ERC1: variants seen among roughly 807,000 people sequenced by gnomAD.
ERC1 encodes the protein RAB6 interacting protein 2.
Under a neutral mutation model 132.0 loss-of-function variants are expected in ERC1, and 56 were observed. That is an observed-to-expected ratio of 0.42 (90% CI 0.34 to 0.53). The LOEUF (loss-of-function observed/expected upper bound fraction) is 0.53, where lower values mean the gene tolerates loss of function less well. Among genes scored for constraint, ERC1 ranks in the 20% least tolerant of loss-of-function variants. ERC1 has a pLI of 0.03. For missense variants in ERC1, 1,202 were observed against 1,349.9 expected (o/e 0.89, Z 1.72); for synonymous variants, 478 against 476.1 (o/e 1.00, Z -0.05).
At chr12:1,409,333 C>T (rs373809044) in intron 17 of ERC1, among the ~76,000 whole-genome samples, 1 of 152,136 alleles carries the variant, frequency 6.6e-6, no homozygotes, top group African/African-American at 2.4e-5. Context: ...CTTCCTGATA[C>T]CTGGAACTGA....
At chr12:1,275,956 ATTCT>A (rs1818362660) in intron 14 of ERC1, among the ~76,000 whole-genome samples, 1 of 152,170 alleles carries the variant, frequency 6.6e-6, no homozygotes, top group South Asian at 2.1e-4. Context: ...ACTCTGGTAC[ATTCT>A]TTCTTTATAA....
intron 12 of ERC1, among the ~76,000 whole-genome samples, chr12:1,202,125 T>C (rs977488822): frequency 6.6e-6 from 1 of 152,192 alleles, no homozygotes; most frequent in Non-Finnish European, 1.5e-5. Flanking sequence ...TTCTTCTTCC[T>C]CCTTGATGAA....
At chr12:1,439,059 A>G (rs2093031388) in intron 17 of ERC1, among the ~76,000 whole-genome samples, 1 of 152,114 alleles carries the variant, frequency 6.6e-6, no homozygotes, top group African/African-American at 2.4e-5. Flanking sequence ...CTGTTCATCT[A>G]GGCTTTATGA....
At chr12:1,269,632 C>T (rs770433813) in intron 14 of ERC1, among the ~76,000 whole-genome samples, 3 of 152,008 alleles carry the variant, frequency 2.0e-5, no homozygotes, top group Non-Finnish European at 4.4e-5. Flanking sequence ...AGATTGAAAG[C>T]GGGAGGATCA....
chr12:1,363,357 A>G (rs2086321435), intron 15 of ERC1, among the ~76,000 whole-genome samples: 1 of 152,146 alleles, frequency 6.6e-6, no homozygotes, highest in Non-Finnish European at 1.5e-5. Context: ...AGGTGAAGGA[A>G]AAAACTGAAC....
At chr12:1,464,509 GC>G (rs1319263889) in intron 18 of ERC1, among the ~76,000 whole-genome samples, 9 of 120,086 alleles carry the variant, frequency 7.5e-5, no homozygotes, top group Admixed American at 5.7e-4. Context: ...GAATGCAAAA[GC>G]CTTTTTTTTT....
intron 16 of ERC1, among the ~76,000 whole-genome samples, chr12:1,403,818 G>A (rs993792920): frequency 6.6e-6 from 1 of 152,122 alleles, no homozygotes; most frequent in South Asian, 2.1e-4. Context: ...ATTGTCTCAT[G>A]TTCTAAGAAA....
At chr12:1,246,770 G>A (rs2076180733) in intron 13 of ERC1, among the ~76,000 whole-genome samples, 2 of 152,168 alleles carry the variant, frequency 1.3e-5, no homozygotes, top group South Asian at 4.1e-4. Context: ...TTCCAAAAAT[G>A]TGTAGCCTCA....
At chr12:1,210,147 C>T (rs776222696) in intron 12 of ERC1, among the ~76,000 whole-genome samples, 1 of 152,334 alleles carries the variant, frequency 6.6e-6, no homozygotes, top group African/African-American at 2.4e-5. Flanking sequence ...AACTTCAGAA[C>T]TATTGAGTTG....
chr12:1,229,129 C>G (rs1026570528), intron 12 of ERC1, among the ~76,000 whole-genome samples: 2 of 152,172 alleles, frequency 1.3e-5, no homozygotes. Context: ...AGCTATGAAG[C>G]CATCTGGTCC....
At chr12:1,250,987 G>A (rs540452130) in intron 13 of ERC1, among the ~76,000 whole-genome samples, 1 of 152,172 alleles carries the variant, frequency 6.6e-6, no homozygotes, top group Non-Finnish European at 1.5e-5. Flanking sequence ...AATAGAGCCG[G>A]GGAAAATCAG....
intron 15 of ERC1, among the ~76,000 whole-genome samples, chr12:1,334,566 G>A (rs1347456912): frequency 6.6e-6 from 1 of 152,070 alleles, no homozygotes; most frequent in Non-Finnish European, 1.5e-5. Flanking sequence ...TTATTTTGGG[G>A]CTCTCTCTTC....
At chr12:1,322,029 C>G (rs371779923) in intron 15 of ERC1, among the ~76,000 whole-genome samples, 1 of 151,094 alleles carries the variant, frequency 6.6e-6, no homozygotes, top group Non-Finnish European at 1.5e-5. Flanking sequence ...TTTATACCCA[C>G]TAATCAAGGC....
intron 15 of ERC1, among the ~76,000 whole-genome samples, chr12:1,353,916 T>G (rs148822097): frequency 0.011 from 1,623 of 152,288 alleles, 10 homozygotes; most frequent in Non-Finnish European, 0.014. Context: ...TTAACATGTT[T>G]TATCTCTTCT....
At chr12:1,147,404 GT>G (rs1950480267) in intron 8 of ERC1, among the ~76,000 whole-genome samples, 1 of 152,088 alleles carries the variant, frequency 6.6e-6, no homozygotes. Context: ...ATTGGTATTA[GT>G]TTTGATCTTT....
chr12:1,389,627 A>G (rs1362002382), intron 16 of ERC1, among the ~76,000 whole-genome samples: 1 of 152,170 alleles, frequency 6.6e-6, no homozygotes, highest in Non-Finnish European at 1.5e-5. Context: ...CATTTATGGC[A>G]CAATATATCA....
rs576129909 is a variant in ERC1, at chr12:1,070,690, A to T, written c.670-12474A>T. Among the ~76,000 whole-genome samples, 3 of 152,226 alleles carry T rather than the reference A, an allele frequency of 2.0e-5. No homozygotes were observed. The East Asian group carries it at 5.8e-4, about 29-fold the overall frequency. ...ACCTTAGACCTTTTACTTCTTTTCA[A>T]AACATATTTTGGTTGAGATATAGTT... On this transcript the variant is annotated intron_variant, in intron 2 of 18. Transcript: ENST00000360905.
intron 12 of ERC1, among the ~76,000 whole-genome samples, chr12:1,210,949 T>G (rs1186808751): frequency 1.3e-5 from 2 of 151,296 alleles, no homozygotes; most frequent in African/African-American, 4.9e-5. Flanking sequence ...GAGCTGAGAT[T>G]GTGCCATGCC....
chr12:1,224,547 G>A (rs1172152924), intron 12 of ERC1, among the ~76,000 whole-genome samples: 1 of 151,972 alleles, frequency 6.6e-6, no homozygotes, highest in Non-Finnish European at 1.5e-5. Context: ...GTACTACTTT[G>A]TATATCTAGT....
Sources: gnomAD v4.1 joint callset for allele counts (sites outside exome capture counted in the v4.1 genomes callset) on GRCh38, gnomAD v4.1.1 for gene constraint, MANE v1.5 for transcripts, NCBI Gene and HGNC (gene_info 2026-07-23, HGNC 2026-07-21) for gene names.